FMO1: variants seen among roughly 807,000 people sequenced by gnomAD.
FMO1 encodes flavin-containing monooxygenase 1.
Under a neutral mutation model 45.4 loss-of-function variants are expected in FMO1, and 36 were observed. The observed-to-expected ratio is 0.79, with a 90% CI of 0.61 to 1.05. FMO1 has a LOEUF of 1.05. Among genes scored for constraint, FMO1 ranks in the 50% least tolerant of loss-of-function variants. The pLI, the probability that FMO1 is intolerant of heterozygous loss-of-function variation, is 0.00. For missense variants in FMO1, 615 were observed against 640.3 expected, an observed-to-expected ratio of 0.96 and a Z score of 0.43; for synonymous variants, 228 against 227.2, an observed-to-expected ratio of 1.00 and a Z score of -0.03.
At chr1:171,252,940 C>T (rs533834780) in intron 1 of FMO1, among the ~76,000 whole-genome samples, 2 of 152,246 alleles carry the variant, frequency 1.3e-5, no homozygotes, top group East Asian at 3.9e-4. Context: ...ATTGTCAATA[C>T]TTGAAGGAGT....
chr1:171,269,261 C>G (rs570614815), intron 3 of FMO1, among the ~76,000 whole-genome samples: 1 of 152,050 alleles, frequency 6.6e-6, no homozygotes, highest in Admixed American at 6.6e-5. Context: ...GAGGTTAGAA[C>G]AGTTTGGAGG....
intron 2 of FMO1, among the ~76,000 whole-genome samples, chr1:171,264,877 C>T (rs546520612): frequency 1.3e-5 from 2 of 151,718 alleles, no homozygotes; most frequent in Admixed American, 6.6e-5. Flanking sequence ...CCTTCCTGGG[C>T]GACAGAGCGA....
At position 171,258,138 on chromosome 1, in the gene FMO1, C is replaced by T; in HGVS notation, c.51C>T (p.Ser17=). 5 of 1,614,178 alleles carry T rather than the reference C, an allele frequency of 3.1e-6. No homozygotes were observed. The highest frequency in any genetic ancestry group is 4.2e-6 in the Non-Finnish European group (5 of 1,180,016). ...IVGAGVSGLA[S]IKCCLEEGLE... ...GAGCTGGGGTCAGCGGCCTGGCCTC[C>T]ATCAAGTGCTGTCTGGAAGAAGGAC... Residue 17 remains serine (S), a synonymous_variant, in exon 2 of 9, where the codon TCC becomes TCT. Transcript: ENST00000617670.
chr1:171,264,322 GTGT>G (rs1660510341), intron 2 of FMO1, among the ~76,000 whole-genome samples: 1 of 147,994 alleles, frequency 6.8e-6, no homozygotes, highest in Non-Finnish European at 1.5e-5. Flanking sequence ...ATTTGTGTGT[GTGT>G]ATATATATAT....
At chr1:171,269,918 C>T (rs1660776543) in intron 3 of FMO1, among the ~76,000 whole-genome samples, 1 of 152,166 alleles carries the variant, frequency 6.6e-6, no homozygotes, top group East Asian at 1.9e-4. Flanking sequence ...AATGGAAAGT[C>T]TCATTTCCTG....
At chr1:171,279,057 C>G (rs1369718892) in intron 5 of FMO1, among the ~76,000 whole-genome samples, 186 bp downstream of exon 5, 1 of 151,808 alleles carries the variant, frequency 6.6e-6, no homozygotes, top group Non-Finnish European at 1.5e-5. Flanking sequence ...TGTCATCTTC[C>G]CTCCAAAACC....
intron 2 of FMO1, among the ~76,000 whole-genome samples, chr1:171,267,272 C>A (rs1165021422): frequency 6.6e-6 from 1 of 152,152 alleles, no homozygotes; most frequent in African/African-American, 2.4e-5. Flanking sequence ...ATTGGCATAA[C>A]CTTCCTGTAA....
chr1:171,278,209 C>G (rs1050698526), intron 4 of FMO1, among the ~76,000 whole-genome samples: 1 of 152,162 alleles, frequency 6.6e-6, no homozygotes, highest in Non-Finnish European at 1.5e-5. Flanking sequence ...ACTTCTCCAA[C>G]TAACATGAAA....
intron 3 of FMO1, chr1:171,271,518 C>A: frequency 5.7e-6 from 5 of 883,888 alleles, no homozygotes; most frequent in Admixed American, 1.7e-5. Context: ...ATGCTCTTCC[C>A]GACAAGTTTG....
chr1:171,284,539 A>G (rs1396631612), intron 8 of FMO1, among the ~76,000 whole-genome samples: 1 of 152,038 alleles, frequency 6.6e-6, no homozygotes, highest in Non-Finnish European at 1.5e-5. Context: ...GGACTTTGAG[A>G]CCAGCCTGGA....
chr1:171,258,236 C>T lies in FMO1; in HGVS notation c.132+17C>T. ...AGATTCACCGTAAGTGGGGTTTCAA[C>T]AACTTTATCTGTCTATTGGAGAATG... On this transcript the variant is annotated intron_variant, in intron 2 of 8. Transcript: ENST00000617670. 1 of 1,613,466 alleles carries T rather than the reference C, an allele frequency of 6.2e-7. No homozygotes were observed. Among genetic ancestry groups the T allele is most frequent in the Non-Finnish European group, 8.5e-7 (1 of 1,179,584 alleles).
At chr1:171,258,561 C>T (rs182416030) in intron 2 of FMO1, among the ~76,000 whole-genome samples, 6 of 152,296 alleles carry the variant, frequency 3.9e-5, no homozygotes, top group East Asian at 1.9e-4. Context: ...GGGCCAGAGA[C>T]GGCAGTGTTA....
chr1:171,271,463 A>G (rs1660862022), intron 3 of FMO1: 6 of 995,214 alleles, frequency 6.0e-6, no homozygotes, highest in South Asian at 2.5e-5. Flanking sequence ...AGCCTTTCTT[A>G]GAAAACTCTG....
intron 3 of FMO1, among the ~76,000 whole-genome samples, chr1:171,269,328 A>G (rs1660752886): frequency 1.3e-5 from 2 of 152,212 alleles, no homozygotes; most frequent in Admixed American, 1.3e-4. Flanking sequence ...AGACTTGTTG[A>G]ATGGCTTTGA....
chr1:171,267,831 C>G (rs1275356131), intron 3 of FMO1, 100 bp downstream of exon 3: 4 of 822,146 alleles, frequency 4.9e-6, no homozygotes, highest in Non-Finnish European at 7.6e-6. Flanking sequence ...AGATACTAAA[C>G]TGGCAATATT....
chr1:171,261,229 G>A (rs1660365265), intron 2 of FMO1, among the ~76,000 whole-genome samples: 1 of 152,002 alleles, frequency 6.6e-6, no homozygotes. Context: ...CCTAAACTAG[G>A]CAATCTTGAA....
intron 3 of FMO1, among the ~76,000 whole-genome samples, chr1:171,268,383 C>T (rs987751584): frequency 1.3e-5 from 2 of 152,250 alleles, no homozygotes; most frequent in African/African-American, 4.8e-5. Context: ...CTGCTCCCAG[C>T]TCCCACTCTC....
rs16864314 is a variant in FMO1, at chr1:171,282,057, A to G, written c.907A>G (p.Ile303Val). ...ITGKVFIRPS[I>V]KEVKENSVIF... ...TGGGAAAGTGTTCATCAGGCCAAGC[A>G]TAAAAGAGGTAAAGGAAAACTCTGT... Residue 303 changes from isoleucine (I) to valine (V), a missense_variant, in exon 7 of 9, where the codon ATA (isoleucine) becomes GTA (valine). Transcript: ENST00000617670. 8.4e-3 allele frequency: 13,548 copies of G among 1,613,828 alleles called. 856 individuals carry two copies. The African/African-American group carries it at 0.15, about 17-fold the overall frequency.
intron 1 of FMO1, chr1:171,257,801 TA>T: frequency 2.4e-6 from 1 of 409,522 alleles, no homozygotes; most frequent in East Asian, 5.5e-5. Flanking sequence ...CTTTATCCAG[TA>T]AAAGGTCCAA....
Sources: allele counts gnomAD v4.1 joint callset (sites outside exome capture counted in the v4.1 genomes callset), GRCh38; gene constraint gnomAD v4.1.1; transcripts MANE v1.5; gene names NCBI Gene and HGNC (gene_info 2026-07-23, HGNC 2026-07-21).